The following NNT variants were observed in gnomAD, a reference collection of about 807,000 sequenced individuals.
NNT encodes the protein nicotinamide nucleotide transhydrogenase, also known as NAD(P) transhydrogenase, mitochondrial.
NNT carries 50 observed loss-of-function variants against 104.8 expected under a neutral mutation model. The ratio of observed to expected loss-of-function variants is 0.48; its 90% CI spans 0.38 to 0.60. NNT has a LOEUF of 0.60. NNT is among the 20% of genes least tolerant of loss of function. The pLI is 0.00. For missense variants in NNT, 1,131 were observed against 1,330.7 expected (o/e 0.85, Z 2.33); for synonymous variants, 461 against 490.4 (o/e 0.94, Z 0.79).
Position 43,704,890 on chromosome 5 carries a change from G to T in NNT, c.*486G>T. 6.6e-6 allele frequency: 1 copy of T among 152,552 alleles called. No homozygotes were observed. The highest frequency in any genetic ancestry group is 1.5e-5 in the Non-Finnish European group (1 of 68,568). The allele number at this position is 152,552 out of a possible 1,614,324, so 9.4% of individuals were successfully genotyped here. A position where few individuals can be genotyped will look rare whatever the true frequency, so the allele number is the denominator to read the frequency against. The stretch of plus-strand genomic sequence containing the variant: ...TTATGAACTTCTGAGCTGTCCCCTT[G>T]CAATTCAACCGCAGTTTGAATTAAT... On this transcript the variant is annotated 3_prime_UTR_variant, in exon 22 of 22. Transcript: ENST00000344920.
At chr5:43,602,841 G>A (rs1250128623), upstream of NNT, 1 of 152,424 alleles carries the variant, frequency 6.6e-6, no homozygotes, top group Non-Finnish European at 1.5e-5. Context: ...TTCTTCAAGG[G>A]GAGAAGCAAA....
rs138236423 is a variant in NNT, at chr5:43,634,380, CT to C, written c.964+5994del. Among the ~76,000 whole-genome samples the C allele has an allele frequency of 9.5e-3, 1,449 of 152,256 alleles. 19 individuals carry two copies. Among genetic ancestry groups the C allele is most frequent in the African/African-American group, 0.034 (1,395 of 41,532 alleles). On this transcript the variant is annotated intron_variant, in intron 7 of 21. Transcript: ENST00000344920. Reference sequence around the variant, plus strand: ...AGTGATTGATACAAGAATAACTATACTCTCTAGTTGTGTAATTCCACAAAGA... The same window carrying C: ...AGTGATTGATACAAGAATAACTATACCTCTAGTTGTGTAATTCCACAAAGA...
intron 19 of NNT, among the ~76,000 whole-genome samples, chr5:43,680,136 T>G (rs911626414): frequency 6.6e-6 from 1 of 152,116 alleles, no homozygotes; most frequent in East Asian, 1.9e-4. Flanking sequence ...CATATTTTTC[T>G]GTGTGAATTT....
At chr5:43,624,224 G>A in intron 6 of NNT, 104 bp downstream of exon 6, 2 of 924,516 alleles carry the variant, frequency 2.2e-6, no homozygotes, top group Non-Finnish European at 3.6e-6. Context: ...CATTGCAACT[G>A]GTCTATAAGC....
intron 12 of NNT, 106 bp from the exon 13 acceptor site, chr5:43,651,633 T>A: frequency 8.5e-7 from 1 of 1,181,746 alleles, no homozygotes; most frequent in Non-Finnish European, 1.2e-6. Context: ...TGTTCCTAGG[T>A]GATAAAGATG....
At chr5:43,649,116 C>T in intron 10 of NNT, 31 bp from the exon 11 acceptor site, 1 of 1,611,284 alleles carries the variant, frequency 6.2e-7, no homozygotes. Flanking sequence ...TGGATGTCAG[C>T]TCAAACACAC....
intron 17 of NNT, among the ~76,000 whole-genome samples, chr5:43,671,948 C>T (rs1741121824): frequency 6.6e-6 from 1 of 152,200 alleles, no homozygotes; most frequent in Admixed American, 6.5e-5. Context: ...GGTCTTTTCA[C>T]ATAGTCCCAT....
chr5:43,639,753 C>T (rs775055769), intron 7 of NNT, among the ~76,000 whole-genome samples: 13 of 152,224 alleles, frequency 8.5e-5, no homozygotes, highest in Middle Eastern at 3.4e-3. Context: ...TGAGAGGGAA[C>T]TGAGTAACCC....
intron 17 of NNT, 30 bp from the exon 18 acceptor site, chr5:43,675,481 A>T: frequency 6.3e-7 from 1 of 1,593,340 alleles, no homozygotes; most frequent in Non-Finnish European, 8.5e-7. Context: ...TGTGTGTTAA[A>T]CTCTCACAGC....
At chr5:43,683,840 T>G (rs1466973087) in intron 19 of NNT, among the ~76,000 whole-genome samples, 1 of 152,232 alleles carries the variant, frequency 6.6e-6, no homozygotes, top group Non-Finnish European at 1.5e-5. Context: ...ATAATCTTGT[T>G]GCCTATTTTA....
At chr5:43,692,674 G>T (rs893910732) in intron 19 of NNT, among the ~76,000 whole-genome samples, 1 of 152,176 alleles carries the variant, frequency 6.6e-6, no homozygotes, top group East Asian at 1.9e-4. Context: ...TTGCAAAATG[G>T]TGATGTAAAA....
chr5:43,682,923 G>A (rs1741798188), intron 19 of NNT, among the ~76,000 whole-genome samples: 1 of 152,070 alleles, frequency 6.6e-6, no homozygotes, highest in African/African-American at 2.4e-5. Flanking sequence ...TAATTAATAG[G>A]CTTCAAGATA....
chr5:43,671,142 C>T (rs1419201657), intron 17 of NNT, among the ~76,000 whole-genome samples: 1 of 152,028 alleles, frequency 6.6e-6, no homozygotes, highest in Non-Finnish European at 1.5e-5. Context: ...CTTGGTAGGT[C>T]TTCCTCCATC....
rs1005927511 is a variant in NNT, at chr5:43,647,971, A to G, written c.1445-1176A>G. ...ATTTTACCTATGAAGACACTGAAGC[A>G]CAGAGAGGTTAAGTAACTTGCCTGA... On this transcript the variant is annotated intron_variant, in intron 10 of 21. Coordinates refer to ENST00000344920, the MANE Select transcript of NNT (RefSeq NM_182977.3). 3 of 530,058 alleles carry G rather than the reference A, an allele frequency of 5.7e-6. No individual in the cohort carries two copies. In the African/African-American group the frequency reaches 5.8e-5, roughly 10 times the overall value. The allele number at this position is 530,058 out of a possible 1,614,324, so 32.8% of individuals were successfully genotyped here.
At chr5:43,645,683 C>CTCTCTCTATA (rs1386181675) in intron 10 of NNT, 173 bp downstream of exon 10, 3 of 45,744 alleles carry the variant, frequency 6.6e-5, no homozygotes, top group African/African-American at 8.6e-5. Context: ...CTCTCTCTCT[C>CTCTCTCTATA]TATATATATA....
Position 43,645,406 on chromosome 5 carries a change from G to A in NNT, c.1340G>A (p.Gly447Asp), listed in dbSNP as rs375049097. Residue 447 changes from glycine (G) to aspartate (D), a missense_variant, in exon 10 of 22, where the codon GGT (glycine) becomes GAT (aspartate). Physicochemically the swap from Gly to Asp is moderately conservative, Grantham distance 94 (BLOSUM62 -1). Coordinates refer to ENST00000344920, the MANE Select transcript of NNT (RefSeq NM_182977.3). ...PAPTPKNIPQ[G>D]APVKQKTVAE... ...CCCACACCGAAAAATATTCCTCAAG[G>A]TGCCCCAGTAAAACAGAAGACAGTG... is the stretch of plus-strand genomic sequence containing the variant. 37 of 1,567,466 alleles carry A rather than the reference G, an allele frequency of 2.4e-5. No homozygotes were observed. Among genetic ancestry groups the A allele is most frequent in the Non-Finnish European group, 3.2e-5 (37 of 1,155,480 alleles).
chr5:43,697,883 A>G (rs1742638924), intron 19 of NNT, among the ~76,000 whole-genome samples: 1 of 152,188 alleles, frequency 6.6e-6, no homozygotes, highest in Non-Finnish European at 1.5e-5. Flanking sequence ...TGCCCCCATG[A>G]TTCAGTAATC....
chr5:43,678,340 C>T (rs1741528187), intron 19 of NNT, among the ~76,000 whole-genome samples: 1 of 152,148 alleles, frequency 6.6e-6, no homozygotes, highest in Non-Finnish European at 1.5e-5. Flanking sequence ...TGGTGTTTTA[C>T]ATGTGTAATC....
intron 17 of NNT, 118 bp downstream of exon 17, chr5:43,659,468 C>T (rs76675027): frequency 0.026 from 22,019 of 848,440 alleles, 425 homozygotes; most frequent in South Asian, 0.048. Flanking sequence ...TGGTAGCTCA[C>T]ACCTGTAATC....
Sources: allele counts gnomAD v4.1 joint callset (sites outside exome capture counted in the v4.1 genomes callset), GRCh38; gene constraint gnomAD v4.1.1; transcripts MANE v1.5; gene names NCBI Gene and HGNC (gene_info 2026-07-23, HGNC 2026-07-21).